Variants in MAGI2 observed in about 807,000 individuals in gnomAD.
MAGI2 encodes the protein membrane-associated guanylate kinase, WW and PDZ domain-containing protein 2.
Under a neutral mutation model 133.3 loss-of-function variants are expected in MAGI2, and 35 were observed. The ratio of observed to expected loss-of-function variants is 0.26; its 90% confidence interval spans 0.20 to 0.35. The LOEUF (loss-of-function observed/expected upper bound fraction) is 0.35. Among genes scored for constraint, MAGI2 ranks in the 10% least tolerant of loss-of-function variants. The pLI, the probability that MAGI2 is intolerant of heterozygous loss-of-function variation, is 1.00. For missense variants in MAGI2, 1,636 were observed against 1,863.4 expected, an observed-to-expected ratio of 0.88 and a Z score of 2.25; for synonymous variants, 729 against 710.6, an observed-to-expected ratio of 1.03 and a Z score of -0.41.
chr7:79,198,979 A>G (rs1190999224), intron 1 of MAGI2, among the ~76,000 whole-genome samples: 1 of 152,012 alleles, frequency 6.6e-6, no homozygotes, highest in Non-Finnish European at 1.5e-5. Context: ...CCAAAGACCT[A>G]CTTTCTGGGA....
intron 21 of MAGI2, among the ~76,000 whole-genome samples, chr7:78,023,715 G>C (rs1401842948): frequency 1.3e-5 from 2 of 152,166 alleles, no homozygotes; most frequent in Non-Finnish European, 2.9e-5. Flanking sequence ...AGTCAAGGTT[G>C]CCGATGACCT....
intron 1 of MAGI2, among the ~76,000 whole-genome samples, chr7:79,354,795 G>C (rs1841913450): frequency 6.6e-6 from 1 of 152,118 alleles, no homozygotes; most frequent in South Asian, 2.1e-4. Flanking sequence ...AGAAAATCAG[G>C]GTGCCTTAAA....
At chr7:78,953,104 C>G (rs1802006155) in intron 2 of MAGI2, among the ~76,000 whole-genome samples, 1 of 152,190 alleles carries the variant, frequency 6.6e-6, no homozygotes, top group African/African-American at 2.4e-5. Flanking sequence ...CTGACAGTTA[C>G]TATCTGAAAC....
At chr7:78,834,284 A>G (rs1416549996) in intron 2 of MAGI2, among the ~76,000 whole-genome samples, 1 of 152,160 alleles carries the variant, frequency 6.6e-6, no homozygotes, top group Non-Finnish European at 1.5e-5. Flanking sequence ...GGGTTACCAT[A>G]ACCACTATCC....
chr7:78,349,098 C>T (rs1791221445), intron 7 of MAGI2, among the ~76,000 whole-genome samples: 2 of 152,176 alleles, frequency 1.3e-5, no homozygotes, highest in South Asian at 4.1e-4. Context: ...ATGAATTTCA[C>T]AGGCTATACT....
At chr7:78,510,152 C>T (rs1025315385) in intron 4 of MAGI2, among the ~76,000 whole-genome samples, 10 of 152,212 alleles carry the variant, frequency 6.6e-5, no homozygotes, top group African/African-American at 1.9e-4. Flanking sequence ...ACTTTTTTTA[C>T]GTTTCCTTTA....
chr7:79,040,469 C>A (rs527774823), intron 1 of MAGI2, among the ~76,000 whole-genome samples: 3 of 151,874 alleles, frequency 2.0e-5, no homozygotes, highest in South Asian at 4.1e-4. Context: ...GAAGGGCAAG[C>A]GGGAGGGAGA....
At chr7:79,189,945 G>A (rs1180122330) in intron 1 of MAGI2, among the ~76,000 whole-genome samples, 1 of 151,440 alleles carries the variant, frequency 6.6e-6, no homozygotes, top group Non-Finnish European at 1.5e-5. Context: ...GTCTTTTTAT[G>A]GCTTAATTAT....
chr7:78,499,055 A>AAACAACAACAACAACAACAACAAC (rs147914906), intron 5 of MAGI2, among the ~76,000 whole-genome samples: 2 of 150,480 alleles, frequency 1.3e-5, no homozygotes, highest in South Asian at 2.1e-4. Flanking sequence ...CTACAAACTC[A>AAACAACAACAACAACAACAACAAC]AACAACAACA....
chr7:79,030,405 G>T (rs568303245), intron 1 of MAGI2: 6 of 152,266 alleles, frequency 3.9e-5, no homozygotes, highest in South Asian at 2.1e-4. Context: ...TGATGGTAAC[G>T]TTGACACAGA....
intron 3 of MAGI2, among the ~76,000 whole-genome samples, chr7:78,573,363 GAAATATATATAT>G (rs1801905218): frequency 4.2e-5 from 1 of 23,602 alleles, no homozygotes. Flanking sequence ...GAGAATCCTG[GAAATATATATAT>G]ATATATATAT....
At chr7:78,267,076 T>G (rs1794096069) in intron 9 of MAGI2, among the ~76,000 whole-genome samples, 1 of 152,154 alleles carries the variant, frequency 6.6e-6, no homozygotes, top group Admixed American at 6.6e-5. Context: ...ACCTACATGG[T>G]AATTCTGGGA....
At chr7:79,228,447 T>G (rs1248127469) in intron 1 of MAGI2, among the ~76,000 whole-genome samples, 1 of 150,718 alleles carries the variant, frequency 6.6e-6, no homozygotes, top group Non-Finnish European at 1.5e-5. Flanking sequence ...AGTACCCCTT[T>G]AAAAATACAA....
chr7:78,876,061 G>A (rs932880395), intron 2 of MAGI2, among the ~76,000 whole-genome samples: 14 of 152,226 alleles, frequency 9.2e-5, no homozygotes, highest in African/African-American at 3.4e-4. Context: ...AGTGGCTCAT[G>A]CCTGTAATTC....
At chr7:78,211,233 C>T (rs1169195627) in intron 10 of MAGI2, among the ~76,000 whole-genome samples, 1 of 146,014 alleles carries the variant, frequency 6.8e-6, no homozygotes, top group Non-Finnish European at 1.5e-5. Flanking sequence ...GGGTGAACCC[C>T]CCAGGATCTG....
chr7:78,695,583 C>T (rs73147031), intron 2 of MAGI2, among the ~76,000 whole-genome samples: 2 of 152,104 alleles, frequency 1.3e-5, no homozygotes, highest in African/African-American at 4.8e-5. Context: ...ACTGGTCATC[C>T]TTCTATGCAA....
chr7:78,420,035 G>A (rs1247873287), intron 6 of MAGI2, among the ~76,000 whole-genome samples: 2 of 152,122 alleles, frequency 1.3e-5, no homozygotes, highest in East Asian at 3.9e-4. Flanking sequence ...TTACTTTGGA[G>A]TTCCTGTTAT....
At chr7:78,923,259 G>A (rs961068800) in intron 2 of MAGI2, among the ~76,000 whole-genome samples, 3 of 152,156 alleles carry the variant, frequency 2.0e-5, no homozygotes, top group Non-Finnish European at 4.4e-5. Flanking sequence ...TTGACATGAA[G>A]TCCTTGCCCA....
At chr7:79,186,633 C>G (rs33955716) in intron 1 of MAGI2, among the ~76,000 whole-genome samples, 1 of 147,686 alleles carries the variant, frequency 6.8e-6, no homozygotes, top group Non-Finnish European at 1.5e-5. Flanking sequence ...TATATACTTT[C>G]GTATAAGTGC....
Sources: gnomAD v4.1 joint callset for allele counts (sites outside exome capture counted in the v4.1 genomes callset) on GRCh38, gnomAD v4.1.1 for gene constraint, MANE v1.5 for transcripts, NCBI Gene and HGNC (gene_info 2026-07-23, HGNC 2026-07-21) for gene names.